The following CALB1 variants were observed in gnomAD, a reference collection of about 807,000 sequenced individuals.
CALB1 encodes calbindin.
CALB1 carries 16 observed loss-of-function variants against 46.7 expected under a neutral mutation model. That is an observed-to-expected ratio of 0.34 (90% confidence interval 0.23 to 0.52). The LOEUF is 0.52. CALB1 is among the 20% of genes least tolerant of loss of function. CALB1 has a pLI of 0.95. For missense variants in CALB1, 224 were observed against 300.3 expected (o/e 0.75, Z 1.88); for synonymous variants, 90 against 112.8 (o/e 0.80, Z 1.28).
At position 90,068,335 on chromosome 8, in the gene CALB1, G is replaced by A. The variant is rs141887285; in HGVS notation, c.372+663C>T. ...CTTTATATCCTCCTCTGTGATATCC[G>A]AAGTGATAAATTCATTCTCTAAGTT... On this transcript the variant is annotated intron_variant, in intron 5 of 10. Transcript: ENST00000265431. Among the ~76,000 whole-genome samples the A allele has an allele frequency of 3.0e-3, 461 of 152,248 alleles. 4 individuals carry two copies. The highest frequency in any genetic ancestry group is 9.7e-3 in the African/African-American group (405 of 41,546).
At chr8:90,073,429 G>C (rs572000993) in intron 3 of CALB1, among the ~76,000 whole-genome samples, 5 of 152,220 alleles carry the variant, frequency 3.3e-5, no homozygotes, top group African/African-American at 1.2e-4. Context: ...CTCAAAACTA[G>C]AGACATTCCT....
intron 1 of CALB1, 126 bp from the exon 2 acceptor site, chr8:90,082,228 C>T (rs1814746233): frequency 1.2e-6 from 1 of 801,150 alleles, no homozygotes; most frequent in Non-Finnish European, 2.1e-6. Flanking sequence ...GTTGATTAAC[C>T]AGCAAAGTGT....
At chr8:90,075,485 A>C (rs1280214864) in intron 3 of CALB1, among the ~76,000 whole-genome samples, 1 of 152,068 alleles carries the variant, frequency 6.6e-6, no homozygotes, top group African/African-American at 2.4e-5. Context: ...AAAACATAGG[A>C]TTTTGCATTC....
intron 3 of CALB1, among the ~76,000 whole-genome samples, chr8:90,078,085 G>A (rs887709905): frequency 6.6e-6 from 1 of 151,976 alleles, no homozygotes; most frequent in African/African-American, 2.4e-5. Context: ...TCCTCTAACT[G>A]CACCTGTGCC....
chr8:90,076,202 C>G (rs1814620136), intron 3 of CALB1, among the ~76,000 whole-genome samples: 1 of 152,056 alleles, frequency 6.6e-6, no homozygotes, highest in Non-Finnish European at 1.5e-5. Context: ...CTGCAGAACA[C>G]TTTGTGCATC....
intron 1 of CALB1, 34 bp from the exon 2 acceptor site, chr8:90,082,136 A>G (rs1022569625): frequency 5.1e-6 from 8 of 1,556,494 alleles, no homozygotes; most frequent in Non-Finnish European, 7.1e-6. Flanking sequence ...GGTGTCAGAT[A>G]TCTCATTCCA....
intron 2 of CALB1, among the ~76,000 whole-genome samples, chr8:90,078,764 C>T (rs541044106): frequency 1.7e-3 from 252 of 152,036 alleles, no homozygotes; most frequent in Non-Finnish European, 3.3e-3. Flanking sequence ...TTAACATAAT[C>T]ATCACCATCA....
chr8:90,062,808 C>G lies in CALB1; in HGVS notation c.600+292G>C, dbSNP rs1401179776. ...AAAAATAGAACTGCATATGATCAATCAATCTCAGCACAAGACAAATTCTGC... is the reference window on the plus strand; with the variant it reads ...AAAAATAGAACTGCATATGATCAATGAATCTCAGCACAAGACAAATTCTGC... On this transcript the variant is annotated intron_variant, in intron 9 of 10. Coordinates refer to ENST00000265431, the MANE Select transcript of CALB1 (RefSeq NM_004929.4). The G allele has an allele frequency of 1.5e-5, 4 of 262,238 alleles. No individual in the cohort carries two copies. The East Asian group carries it at 3.4e-4, about 22-fold the overall frequency. The allele number at this position is 262,238 out of a possible 1,614,324, so 16.2% of individuals were successfully genotyped here. A position where few individuals can be genotyped will look rare whatever the true frequency, so the allele number is the denominator to read the frequency against.
rs1430515969 is a variant in CALB1 at position 90,069,250 on chromosome 8, TAAG to T, written c.232-16_232-14del. 6.2e-7 allele frequency: 1 copy of T among 1,605,418 alleles called. No individual in the cohort carries two copies. Among genetic ancestry groups the T allele is most frequent in the Non-Finnish European group, 8.5e-7 (1 of 1,172,340 alleles). On this transcript the variant is annotated splice_polypyrimidine_tract_variant and intron_variant, in intron 3 of 10. Transcript: ENST00000265431. ...ATACGTGAGCCAACTGGAAAAGATT[TAAG>T]AAGAGAGAAACGTGTTGTAAGTTGC...
At chr8:90,080,274 T>G (rs1020782556) in intron 2 of CALB1, among the ~76,000 whole-genome samples, 1 of 151,874 alleles carries the variant, frequency 6.6e-6, no homozygotes, top group African/African-American at 2.4e-5. Context: ...CATGAAGATA[T>G]TGCTTACAAA....
At chr8:90,073,306 C>T (rs1484267354) in intron 3 of CALB1, among the ~76,000 whole-genome samples, 1 of 152,096 alleles carries the variant, frequency 6.6e-6, no homozygotes, top group East Asian at 1.9e-4. Context: ...GTTGCTGCAG[C>T]CTCACCTGTG....
Position 90,059,308 on chromosome 8 carries a change from C to T in CALB1, c.*865G>A, listed in dbSNP as rs1016181479. ...AAAATATTTTCAGAGGCAGCAGATA[C>T]CCTTGGTGGAAATGAACAGTTCTAC... On this transcript the variant is annotated 3_prime_UTR_variant, in exon 11 of 11. Coordinates refer to ENST00000265431, the MANE Select transcript of CALB1 (RefSeq NM_004929.4). 1 of 152,234 alleles carries T rather than the reference C, an allele frequency of 6.6e-6. No individual in the cohort carries two copies. Among genetic ancestry groups the T allele is most frequent in the Admixed American group, 6.6e-5 (1 of 15,230 alleles). 9.4% of individuals were successfully genotyped at this position (152,234 alleles called of 1,614,324 possible).
At chr8:90,078,288 G>C (rs1441819290) in intron 3 of CALB1, 85 bp downstream of exon 3, 1 of 792,212 alleles carries the variant, frequency 1.3e-6, no homozygotes, top group Non-Finnish European at 2.2e-6. Context: ...AATGGGTCTT[G>C]CTATATCTTA....
At chr8:90,060,409 T>A in intron 10 of CALB1, 123 bp from the exon 11 acceptor site, 1 of 730,060 alleles carries the variant, frequency 1.4e-6, no homozygotes, top group Non-Finnish European at 2.4e-6. Context: ...AGAGCTGGAT[T>A]AAATTCTTAT....
In CALB1 at chr8:90,065,948, C is replaced by A; in HGVS notation, c.400G>T (p.Ala134Ser). Residue 134 changes from alanine (A) to serine (S), a missense_variant, in exon 6 of 11, where the codon GCA (alanine) becomes TCA (serine). Coordinates refer to ENST00000265431, the MANE Select transcript of CALB1 (RefSeq NM_004929.4). ...KNFLKDLLEK[A>S]NKTVDDTKLA... ...TTTGTGTCATCAACAGTCTTGTTTG[C>A]TTTTTCTAGCAGGTCCTTTAGAAAG... The A allele has an allele frequency of 6.2e-7, 1 of 1,610,660 alleles. No homozygotes were observed. Among genetic ancestry groups the A allele is most frequent in the Non-Finnish European group, 8.5e-7 (1 of 1,177,340 alleles).
At chr8:90,070,717 G>A (rs1418261592) in intron 3 of CALB1, among the ~76,000 whole-genome samples, 1 of 152,056 alleles carries the variant, frequency 6.6e-6, no homozygotes, top group Admixed American at 6.6e-5. Flanking sequence ...TTTAAAGAAA[G>A]GTCACTAGTG....
chr8:90,081,806 C>T (rs937544431), intron 2 of CALB1, among the ~76,000 whole-genome samples: 1 of 149,414 alleles, frequency 6.7e-6, no homozygotes, highest in Non-Finnish European at 1.5e-5. Context: ...TCCCTCCCTT[C>T]TCTCTCTCTC....
Position 90,063,274 on chromosome 8 carries a change from T to G in CALB1, c.546+7A>C. The G allele has an allele frequency of 4.4e-6, 7 of 1,592,668 alleles. No homozygotes were observed. The highest frequency in any genetic ancestry group is 6.0e-6 in the Non-Finnish European group (7 of 1,162,094). On this transcript the variant is annotated splice_region_variant and intron_variant, in intron 8 of 10. Transcript: ENST00000265431. ...AATATTATTTAAGGTAGTAAAAAGT[T>G]AAGTACCTGGAATTTAAGAAGAAAA...
intron 6 of CALB1, chr8:90,064,074 A>G (rs2130223744): frequency 6.6e-6 from 1 of 151,964 alleles, no homozygotes; most frequent in Non-Finnish European, 1.5e-5. Flanking sequence ...AACTATTGCT[A>G]TAATATGTTA....
Sources: allele counts gnomAD v4.1 joint callset (sites outside exome capture counted in the v4.1 genomes callset), GRCh38; gene constraint gnomAD v4.1.1; transcripts MANE v1.5; gene names NCBI Gene and HGNC (gene_info 2026-07-23, HGNC 2026-07-21).